The following ENG variants were observed in gnomAD, a reference collection of about 807,000 sequenced individuals.
ENG encodes endoglin.
A neutral mutation model predicts 71.0 loss-of-function variants in ENG; 17 were observed. That is an observed-to-expected ratio of 0.24 (90% CI 0.16 to 0.36). The LOEUF is 0.36. Ranked by LOEUF, ENG falls within the 10% of genes least tolerant of loss-of-function variation. The pLI is 1.00. For synonymous variants in ENG, 360 were observed against 366.9 expected, an observed-to-expected ratio of 0.98 and a Z score of 0.21; for missense variants, 749 against 868.3, an observed-to-expected ratio of 0.86 and a Z score of 1.73.
chr9:127,825,645 G>A (rs1453312288), intron 5 of ENG, 50 bp downstream of exon 5: 2 of 1,441,534 alleles, frequency 1.4e-6, no homozygotes, highest in Non-Finnish European at 1.8e-6. Flanking sequence ...GGTCAGGGGG[G>A]TGGTCTCTCG....
rs745769815 is a variant in ENG at position 127,854,376 on chromosome 9, T to C, written c.-21A>G. The C allele has an allele frequency of 1.3e-6, 2 of 1,573,548 alleles. No individual in the cohort carries two copies. The highest frequency in any genetic ancestry group is 1.7e-6 in the Non-Finnish European group (2 of 1,160,180). ...TCCATGCTGTCCACGTGGGGGCCTG[T>C]GCGCTGGGCCTTATCCTGTGTCCAG... On this transcript the variant is annotated 5_prime_UTR_variant, in exon 1 of 15. Transcript: ENST00000373203.
chr9:127,824,671 G>A, intron 7 of ENG, 129 bp downstream of exon 7: 2 of 1,175,562 alleles, frequency 1.7e-6, no homozygotes, highest in Admixed American at 5.8e-5. Flanking sequence ...CCCATGTGCA[G>A]ATGAGAAAAA....
rs554564839 is a variant in ENG, at chr9:127,843,074, C to A, written c.219+20G>T. The A allele has an allele frequency of 2.5e-6, 4 of 1,613,772 alleles. No homozygotes were observed. The highest frequency in any genetic ancestry group is 4.5e-5 in the East Asian group (2 of 44,886). ...GAGCTTCCTCTGAGCCCCCACCCGACCCTGCCATGGGACACTCACCGTTGG... is the reference window on the plus strand; with the variant it reads ...GAGCTTCCTCTGAGCCCCCACCCGAACCTGCCATGGGACACTCACCGTTGG... On this transcript the variant is annotated intron_variant, in intron 2 of 14. Transcript: ENST00000373203.
At position 127,825,675 on chromosome 9, in the gene ENG, G is replaced by C. The variant is rs771786645; in HGVS notation, c.689+20C>G. The C allele has an allele frequency of 5.8e-6, 9 of 1,544,378 alleles. No homozygotes were observed. The highest frequency in any genetic ancestry group is 7.8e-6 in the Non-Finnish European group (9 of 1,149,684). On this transcript the variant is annotated intron_variant, in intron 5 of 14. Transcript: ENST00000373203. ...CTCTCGGGGTGGGGACTAGTGTCAG[G>C]GGCGGGGCGAGAGCCATACCCGGCC...
intron 12 of ENG, 106 bp downstream of exon 12, chr9:127,818,014 C>G (rs1381028467): frequency 4.4e-6 from 7 of 1,575,958 alleles, no homozygotes; most frequent in Non-Finnish European, 6.1e-6. Flanking sequence ...AGGCTCCGCC[C>G]CTCACCAGCT....
At chr9:127,819,234 G>T in intron 10 of ENG, 1 of 326,700 alleles carries the variant, frequency 3.1e-6, no homozygotes, top group Non-Finnish European at 5.8e-6. Flanking sequence ...ACTGCGCCCG[G>T]CCCTTTTTTT....
intron 2 of ENG, among the ~76,000 whole-genome samples, chr9:127,834,762 C>T (rs999825619): frequency 1.3e-5 from 2 of 150,382 alleles, no homozygotes; most frequent in Non-Finnish European, 2.9e-5. Flanking sequence ...TGGTCTTAAT[C>T]TCTTGACCTG....
chr9:127,817,017 C>T, intron 13 of ENG, 132 bp downstream of exon 13: 2 of 1,053,172 alleles, frequency 1.9e-6, no homozygotes, highest in Non-Finnish European at 2.9e-6. Context: ...CCTCCTGCCC[C>T]TTCTGGGCCG....
At chr9:127,853,142 C>T (rs150248242) in intron 1 of ENG, among the ~76,000 whole-genome samples, 19 of 152,190 alleles carry the variant, frequency 1.2e-4, no homozygotes, top group Non-Finnish European at 2.5e-4. Context: ...AGCCGCAGGC[C>T]GGGAGTCAAA....
At chr9:127,845,294 C>A (rs1831142707) in intron 1 of ENG, among the ~76,000 whole-genome samples, 1 of 152,228 alleles carries the variant, frequency 6.6e-6, no homozygotes, top group African/African-American at 2.4e-5. Context: ...CTTCCCACAG[C>A]ACGTTGGGCT....
At chr9:127,848,901 C>T (rs1362694766) in intron 1 of ENG, among the ~76,000 whole-genome samples, 1 of 152,162 alleles carries the variant, frequency 6.6e-6, no homozygotes, top group African/African-American at 2.4e-5. Flanking sequence ...AGTTCTTTGT[C>T]CTCCATTTTA....
In ENG at chr9:127,815,624, G is replaced by A. The variant is rs1830287175; in HGVS notation, c.*58C>T. 6.5e-7 allele frequency: 1 copy of A among 1,533,314 alleles called. No individual in the cohort carries two copies. The highest frequency in any genetic ancestry group is 1.2e-5 in the South Asian group (1 of 83,510). 95.0% of individuals were successfully genotyped at this position (1,533,314 alleles called of 1,614,324 possible). Reference sequence around the variant, plus strand: ...TGGCTCCCAGGGTGAGTTCACACCAGTGCTCCCAGCTGGCGGCTGCTCAGT... The same window carrying A: ...TGGCTCCCAGGGTGAGTTCACACCAATGCTCCCAGCTGGCGGCTGCTCAGT... On this transcript the variant is annotated 3_prime_UTR_variant, in exon 15 of 15. Coordinates refer to ENST00000373203, the MANE Select transcript of ENG (RefSeq NM_001114753.3).
intron 10 of ENG, chr9:127,819,221 G>A (rs1302931764): frequency 3.0e-6 from 1 of 329,902 alleles, no homozygotes; most frequent in Non-Finnish European, 5.8e-6. Context: ...ACAGGCGTGA[G>A]CCACTGCGCC....
At chr9:127,825,419 TGGCGTCG>T (rs1830587034) in intron 5 of ENG, 62 bp from the exon 6 acceptor site, 1 of 1,598,862 alleles carries the variant, frequency 6.3e-7, no homozygotes, top group Admixed American at 1.7e-5. Context: ...GAGCGAGGCC[TGGCGTCG>T]GGTGGGCGGC....
At chr9:127,837,738 G>A (rs911264390) in intron 2 of ENG, among the ~76,000 whole-genome samples, 8 of 151,008 alleles carry the variant, frequency 5.3e-5, no homozygotes, top group South Asian at 2.1e-4. Flanking sequence ...TCTCCCTCCC[G>A]CCCTTATCCA....
intron 8 of ENG, 136 bp downstream of exon 8, chr9:127,824,168 T>C (rs1830541307): frequency 1.6e-6 from 2 of 1,256,390 alleles, no homozygotes; most frequent in Admixed American, 3.8e-5. Context: ...AATTCCATTA[T>C]ACAAGTGGGA....
intron 2 of ENG, chr9:127,841,117 G>A (rs1304054994): frequency 6.6e-6 from 1 of 152,400 alleles, no homozygotes; most frequent in Non-Finnish European, 1.5e-5. Flanking sequence ...TCCTTCCTTG[G>A]TGAGCTCCTG....
chr9:127,850,043 G>T (rs1223524479), intron 1 of ENG, among the ~76,000 whole-genome samples: 5 of 152,194 alleles, frequency 3.3e-5, no homozygotes, highest in Non-Finnish European at 7.3e-5. Flanking sequence ...TGCCACAGGG[G>T]TTGAAGCCAG....
chr9:127,826,365 G>A (rs898401975), intron 4 of ENG, 145 bp downstream of exon 4: 2 of 1,027,792 alleles, frequency 1.9e-6, no homozygotes, highest in Admixed American at 2.4e-5. Flanking sequence ...CTGTCCCAAG[G>A]CAGCACTGGC....
Sources: gnomAD v4.1 joint callset for allele counts (sites outside exome capture counted in the v4.1 genomes callset) on GRCh38, gnomAD v4.1.1 for gene constraint, MANE v1.5 for transcripts, NCBI Gene and HGNC (gene_info 2026-07-23, HGNC 2026-07-21) for gene names.